Variants in ULK1 observed in about 807,000 individuals in gnomAD.
ULK1 encodes unc-51 like autophagy activating kinase 1, also known as serine/threonine-protein kinase ULK1.
Under a neutral mutation model 117.5 loss-of-function variants are expected in ULK1, and 48 were observed. The observed-to-expected ratio is 0.41, with a 90% CI of 0.32 to 0.52. ULK1 has a LOEUF of 0.52. Among genes scored for constraint, ULK1 ranks in the 20% least tolerant of loss-of-function variants. The pLI, the probability that ULK1 is intolerant of heterozygous loss-of-function variation, is 0.29. For synonymous variants in ULK1, 790 were observed against 637.8 expected, an observed-to-expected ratio of 1.24 and a Z score of -3.60; for missense variants, 1,387 against 1,473.4, an observed-to-expected ratio of 0.94 and a Z score of 0.96.
chr12:131,915,058 C>T (rs779199162), intron 16 of ULK1, 25 bp from the exon 17 acceptor site: 1 of 1,523,416 alleles, frequency 6.6e-7, no homozygotes, highest in Non-Finnish European at 8.8e-7. Context: ...GAGGCCTCCC[C>T]TCCTAATATC....
intron 7 of ULK1, 46 bp downstream of exon 7, chr12:131,909,017 G>A (rs751354182): frequency 8.7e-6 from 14 of 1,612,340 alleles, no homozygotes; most frequent in Non-Finnish European, 1.2e-5. Context: ...GCCTCTCTGG[G>A]CTTGCTGGTT....
At chr12:131,900,791 G>A (rs1412626609) in intron 3 of ULK1, among the ~76,000 whole-genome samples, 1 of 152,228 alleles carries the variant, frequency 6.6e-6, no homozygotes, top group Non-Finnish European at 1.5e-5. Context: ...AGCCCTGCTT[G>A]GGGTCCTGGG....
In ULK1 at chr12:131,907,540, A is replaced by G. The variant is rs1483332650; in HGVS notation, c.316+9A>G. ...GGCCGACTACCTGCACGGTGAGTGC[A>G]CAGCTGCGCCACCTGGGCTGCCAGC... On this transcript the variant is annotated intron_variant, in intron 5 of 27. Coordinates refer to ENST00000321867, the MANE Select transcript of ULK1 (RefSeq NM_003565.4). 2 of 1,610,056 alleles carry G rather than the reference A, an allele frequency of 1.2e-6. No individual in the cohort carries two copies. Among genetic ancestry groups the G allele is most frequent in the Admixed American group, 3.3e-5 (2 of 59,868 alleles).
rs117712914 is a variant in ULK1, at chr12:131,911,122, C to T, written c.948+322C>T. On this transcript the variant is annotated intron_variant, in intron 12 of 27. Coordinates refer to ENST00000321867, the MANE Select transcript of ULK1 (RefSeq NM_003565.4). ...CACCCCTGGCCTCCCTCGTGTCTTCCATTGGACTCAAAGCATGAGTAGGGT... is the reference window on the plus strand; with the variant it reads ...CACCCCTGGCCTCCCTCGTGTCTTCTATTGGACTCAAAGCATGAGTAGGGT... 1.7e-3 allele frequency among the ~76,000 whole-genome samples: 253 copies of T among 152,356 alleles called. 4 individuals are homozygous for T. In the East Asian group the frequency reaches 0.044, roughly 26 times the overall value.
In ULK1 at chr12:131,922,709, G is replaced by C. The variant is rs114528807; in HGVS notation, c.*1348G>C. On this transcript the variant is annotated 3_prime_UTR_variant, in exon 28 of 28. Transcript: ENST00000321867. ...CAGTGGTGGGGCCATGGACCCATGC[G>C]GGGGGTTCCAGGGTCACACGCCACA... 1 of 152,588 alleles carries C rather than the reference G, an allele frequency of 6.6e-6. No individual in the cohort carries two copies. Among genetic ancestry groups the C allele is most frequent in the Non-Finnish European group, 1.5e-5 (1 of 68,164 alleles). 9.5% of individuals were successfully genotyped at this position (152,588 alleles called of 1,614,324 possible).
chr12:131,916,572 C>T lies in ULK1; in HGVS notation c.2053C>T (p.Pro685Ser), dbSNP rs762990669. ...LGPGLRPGED[P>S]KGPFGRSFST... ...CCCTGGCCTGCGGCCAGGCGAGGAC[C>T]CCAAGGGCCCCTTTGGCCGGTGAGT... The change falls in exon 20 of 28, where the codon CCC (proline) becomes TCC (serine). Residue 685 changes from proline (P) to serine (S), a missense_variant. Physicochemically the swap from Pro to Ser is moderately conservative, Grantham distance 74. Transcript: ENST00000321867. The T allele has an allele frequency of 6.3e-7, 1 of 1,585,046 alleles. No homozygotes were observed. Among genetic ancestry groups the T allele is most frequent in the South Asian group, 1.1e-5 (1 of 89,254 alleles).
intron 3 of ULK1, 54 bp from the exon 4 acceptor site, chr12:131,906,838 G>A: frequency 1.2e-6 from 2 of 1,612,722 alleles, no homozygotes; most frequent in Middle Eastern, 1.6e-4. Flanking sequence ...CAGACTCCCT[G>A]CAGTGGGGCC....
chr12:131,905,601 TTCC>T (rs1889243034), intron 3 of ULK1, among the ~76,000 whole-genome samples: 1 of 152,264 alleles, frequency 6.6e-6, no homozygotes, highest in East Asian at 1.9e-4. Context: ...TGGAAAGGGC[TTCC>T]TCCTCCTGTT....
intron 26 of ULK1, 24 bp downstream of exon 26, chr12:131,920,160 G>A: frequency 1.2e-6 from 2 of 1,603,196 alleles, no homozygotes; most frequent in Non-Finnish European, 1.7e-6. Flanking sequence ...AGACACCAGT[G>A]GGGCAGGGGC....
At position 131,909,256 on chromosome 12, in the gene ULK1, G is replaced by A. The variant is rs766755852; in HGVS notation, c.666+19G>A. ...CTTCCAGGTAACTGGGCTTGGCCCT[G>A]CTCCCCACGCCGCACCGTCAGTGCA... On this transcript the variant is annotated intron_variant, in intron 8 of 27. Transcript: ENST00000321867. 1.3e-6 allele frequency: 2 copies of A among 1,558,024 alleles called. No homozygotes were observed. The highest frequency in any genetic ancestry group is 1.7e-6 in the Non-Finnish European group (2 of 1,151,784).
At chr12:131,910,455 C>T (rs1479064638) in intron 11 of ULK1, 151 bp downstream of exon 11, 2 of 1,362,054 alleles carry the variant, frequency 1.5e-6, no homozygotes, top group Non-Finnish European at 1.0e-6. Flanking sequence ...GCTCCTTGCT[C>T]TGCTGCAGCG....
At chr12:131,905,771 G>T (rs1246023404) in intron 3 of ULK1, among the ~76,000 whole-genome samples, 5 of 152,186 alleles carry the variant, frequency 3.3e-5, no homozygotes, top group Non-Finnish European at 5.9e-5. Context: ...GCTACAGGGA[G>T]GCTCCCAGTC....
Position 131,915,138 on chromosome 12 carries a change from A to G in ULK1, c.1429A>G (p.Ser477Gly). 1 of 1,604,676 alleles carries G rather than the reference A, an allele frequency of 6.2e-7. No homozygotes were observed. Among genetic ancestry groups the G allele is most frequent in the East Asian group, 2.2e-5 (1 of 44,770 alleles). The change falls in exon 17 of 28, where the codon AGC (serine) becomes GGC (glycine). Residue 477 changes from serine to glycine, a missense_variant. Ser to Gly is a moderately conservative substitution (Grantham distance 56). Transcript: ENST00000321867. Reference protein sequence around the residue: ...STSPLGFARASPSPPAHAEHG... With the variant: ...STSPLGFARAGPSPPAHAEHG... ...CAGCCCCCTGGGCTTTGCAAGGGCC[A>G]GCCCCTCGCCCCCTGCCCACGCTGA...
At position 131,916,971 on chromosome 12, in the gene ULK1, C is replaced by T; in HGVS notation, c.2091C>T (p.Arg697=). 1 of 1,610,710 alleles carries T rather than the reference C, an allele frequency of 6.2e-7. No individual in the cohort carries two copies. The highest frequency in any genetic ancestry group is 8.5e-7 in the Non-Finnish European group (1 of 1,179,206). The change falls in exon 21 of 28, where the codon CGC becomes CGT. Residue 697 remains arginine, a synonymous_variant. Coordinates refer to ENST00000321867, the MANE Select transcript of ULK1 (RefSeq NM_003565.4). ...GPFGRSFSTS[R]LTDLLLKAAF... ...CCCACAGGTCTTTCAGCACCAGCCG[C>T]CTCACTGACCTGCTCCTTAAGGCGG...
chr12:131,901,731 C>T (rs1889098504), intron 3 of ULK1, among the ~76,000 whole-genome samples: 1 of 152,172 alleles, frequency 6.6e-6, no homozygotes, highest in African/African-American at 2.4e-5. Context: ...GTATCAGTAT[C>T]TGTCCGCGAT....
chr12:131,920,546 G>A (rs1019469223), intron 26 of ULK1: 2 of 219,188 alleles, frequency 9.1e-6, no homozygotes, highest in Admixed American at 1.0e-4. Flanking sequence ...CTCTGCCTCT[G>A]AGGTGGTGCC....
intron 3 of ULK1, among the ~76,000 whole-genome samples, chr12:131,901,611 T>G (rs936012748): frequency 2.0e-5 from 3 of 152,160 alleles, no homozygotes; most frequent in Non-Finnish European, 4.4e-5. Flanking sequence ...ATGCTGACTT[T>G]AAGCCTGGAG....
chr12:131,913,346 C>G, intron 14 of ULK1, 88 bp downstream of exon 14: 7 of 1,308,358 alleles, frequency 5.4e-6, no homozygotes, highest in Non-Finnish European at 7.1e-6. Flanking sequence ...GAGCCGAGAT[C>G]GCGCCACTGC....
At position 131,909,944 on chromosome 12, in the gene ULK1, C is replaced by A. The variant is rs1175284082; in HGVS notation, c.751C>A (p.Leu251Met). 3 of 1,611,970 alleles carry A rather than the reference C, an allele frequency of 1.9e-6. No homozygotes were observed. The highest frequency in any genetic ancestry group is 2.5e-6 in the Non-Finnish European group (3 of 1,179,798). Residue 251 changes from leucine to methionine, a missense_variant, in exon 10 of 28, where the codon CTG becomes ATG. Coordinates refer to ENST00000321867, the MANE Select transcript of ULK1 (RefSeq NM_003565.4). ...PTIPRETSAP[L>M]RQLLLALLQR... ...CATCCCCCGGGAGACCTCGGCCCCGCTGCGGCAGCTGCTCCTGGCCCTACT... is the reference window on the plus strand; with the variant it reads ...CATCCCCCGGGAGACCTCGGCCCCGATGCGGCAGCTGCTCCTGGCCCTACT...
Sources: allele counts gnomAD v4.1 joint callset (sites outside exome capture counted in the v4.1 genomes callset), GRCh38; gene constraint gnomAD v4.1.1; transcripts MANE v1.5; gene names NCBI Gene and HGNC (gene_info 2026-07-23, HGNC 2026-07-21).